The following GTF2I variants were observed in gnomAD, a reference collection of about 807,000 sequenced individuals.
GTF2I encodes the protein general transcription factor II-I.
In GTF2I, 12 loss-of-function variants were observed where a neutral mutation model predicts 67.6. The ratio of observed to expected loss-of-function variants is 0.18; its 90% CI spans 0.11 to 0.29. The LOEUF (loss-of-function observed/expected upper bound fraction) is 0.29. Among genes scored for constraint, GTF2I ranks in the 10% least tolerant of loss-of-function variants. GTF2I has a pLI of 1.00. For missense variants in GTF2I, 271 were observed against 580.1 expected (o/e 0.47, Z 5.47); for synonymous variants, 149 against 197.0 (o/e 0.76, Z 2.04).
At chr7:74,727,547 AC>A (rs1283105347) in intron 12 of GTF2I, 1 of 152,158 alleles carries the variant, frequency 6.6e-6, no homozygotes, top group Non-Finnish European at 1.5e-5. Flanking sequence ...TAACAATTAT[AC>A]CCATCTAAAA....
At chr7:74,711,949 C>CTTTTTT (rs587731254) in intron 9 of GTF2I, among the ~76,000 whole-genome samples, 3 of 134,140 alleles carry the variant, frequency 2.2e-5, no homozygotes, top group African/African-American at 5.5e-5. Context: ...TCATTTCTCT[C>CTTTTTT]TTTTTTTTTT....
At position 74,690,462 on chromosome 7, in the gene GTF2I, T is replaced by C. The variant is rs1232589168; in HGVS notation, c.100-511T>C. ...CCACCTAAAAGTGATTCTGGCTGTGTGTACACAGGGGAATACTTCTGGAGG... is the reference window on the plus strand; with the variant it reads ...CCACCTAAAAGTGATTCTGGCTGTGCGTACACAGGGGAATACTTCTGGAGG... On this transcript the variant is annotated intron_variant, in intron 2 of 34. Transcript: ENST00000573035. 2.0e-5 allele frequency among the ~76,000 whole-genome samples: 3 copies of C among 152,194 alleles called. No homozygotes were observed. In the East Asian group the frequency reaches 5.8e-4, roughly 29 times the overall value.
chr7:74,658,550 C>T (rs1312239322), intron 1 of GTF2I, among the ~76,000 whole-genome samples: 3 of 149,912 alleles, frequency 2.0e-5, no homozygotes, highest in East Asian at 2.0e-4. Flanking sequence ...GTCGTGGGGT[C>T]GCGCTCGCCT....
intron 1 of GTF2I, 137 bp from the exon 2 acceptor site, chr7:74,688,987 A>C: frequency 1.6e-6 from 1 of 625,762 alleles, no homozygotes; most frequent in Non-Finnish European, 2.9e-6. Flanking sequence ...TCAAATACTT[A>C]GTTTCTGAGC....
At chr7:74,713,543 G>C (rs1333256476) in intron 9 of GTF2I, among the ~76,000 whole-genome samples, 1 of 152,098 alleles carries the variant, frequency 6.6e-6, no homozygotes, top group Non-Finnish European at 1.5e-5. Context: ...AAAATTGACT[G>C]TATACTTGTT....
At chr7:74,731,840 C>T (rs1418158305) in intron 14 of GTF2I, among the ~76,000 whole-genome samples, 14 of 150,952 alleles carry the variant, frequency 9.3e-5, no homozygotes, top group South Asian at 4.2e-4. Flanking sequence ...CCGCTGCGCC[C>T]GGCCTCATGT....
At chr7:74,703,247 G>A (rs1359581631) in intron 6 of GTF2I, among the ~76,000 whole-genome samples, 4 of 151,690 alleles carry the variant, frequency 2.6e-5, no homozygotes, top group African/African-American at 9.7e-5. Context: ...TACAGGATTT[G>A]GGAATATTTT....
Position 74,698,947 on chromosome 7 carries a change from T to A in GTF2I, c.239-14T>A, listed in dbSNP as rs781973735. 4.1e-6 allele frequency: 5 copies of A among 1,229,168 alleles called. No individual in the cohort carries two copies. The highest frequency in any genetic ancestry group is 2.8e-5 in the East Asian group (1 of 35,172). 76.1% of individuals were successfully genotyped at this position (1,229,168 alleles called of 1,614,324 possible). A position where few individuals can be genotyped will look rare whatever the true frequency, so the allele number is the denominator to read the frequency against. On this transcript the variant is annotated splice_polypyrimidine_tract_variant and intron_variant, in intron 3 of 34. Coordinates refer to ENST00000573035, the MANE Select transcript of GTF2I (RefSeq NM_032999.4). ...ATTATTATTTTTTTATTTTATTTTT[T>A]ATTTTTTTTACAGGTGTTGAAGAAG...
At chr7:74,675,770 G>A (rs1054110003) in intron 1 of GTF2I, among the ~76,000 whole-genome samples, 2 of 152,246 alleles carry the variant, frequency 1.3e-5, no homozygotes, top group South Asian at 4.1e-4. Flanking sequence ...CAGCACTTGG[G>A]AGGCCGAGGT....
At chr7:74,714,801 C>G in intron 9 of GTF2I, 56 bp from the exon 10 acceptor site, 2 of 1,219,902 alleles carry the variant, frequency 1.6e-6, no homozygotes, top group East Asian at 5.0e-5. Context: ...CTAAAGTCAC[C>G]CCACATTTTT....
chr7:74,701,628 C>T (rs1427696319), intron 6 of GTF2I, among the ~76,000 whole-genome samples: 1 of 152,028 alleles, frequency 6.6e-6, no homozygotes, highest in Non-Finnish European at 1.5e-5. Flanking sequence ...CTGCCACGCC[C>T]GGCTAATTTT....
At chr7:74,716,719 G>A (rs1346554510) in intron 10 of GTF2I, 175 bp from the exon 11 acceptor site, 7 of 514,992 alleles carry the variant, frequency 1.4e-5, no homozygotes, top group East Asian at 2.9e-5. Flanking sequence ...AAATAGAAGC[G>A]TTGTATTCTT....
At chr7:74,723,876 C>T (rs1793433624) in intron 12 of GTF2I, among the ~76,000 whole-genome samples, 1 of 151,318 alleles carries the variant, frequency 6.6e-6, no homozygotes, top group Admixed American at 6.6e-5. Context: ...AAGAGAAGAC[C>T]TAGAGCAGTC....
chr7:74,684,202 A>C (rs1787496822), intron 1 of GTF2I, among the ~76,000 whole-genome samples: 3 of 152,236 alleles, frequency 2.0e-5, no homozygotes, highest in African/African-American at 7.2e-5. Flanking sequence ...TTATTATACA[A>C]GATGGCCAAT....
At chr7:74,723,428 C>CTTTTTTCTT (rs1793326478) in intron 12 of GTF2I, among the ~76,000 whole-genome samples, 1 of 61,090 alleles carries the variant, frequency 1.6e-5, no homozygotes, top group Non-Finnish European at 2.6e-5. Context: ...CTCCCGGCCT[C>CTTTTTTCTT]TTTTTTTTTT....
chr7:74,718,558 G>A (rs1293522168), intron 11 of GTF2I, among the ~76,000 whole-genome samples: 1 of 152,194 alleles, frequency 6.6e-6, no homozygotes, highest in Non-Finnish European at 1.5e-5. Context: ...TTCTATCCGA[G>A]CATCTTCTAG....
At chr7:74,710,937 A>G (rs1162139038) in intron 8 of GTF2I, 95 bp from the exon 9 acceptor site, 8 of 605,872 alleles carry the variant, frequency 1.3e-5, no homozygotes, top group Non-Finnish European at 1.8e-5. Context: ...ATAAATATGC[A>G]TTGCTGTATT....
intron 3 of GTF2I, among the ~76,000 whole-genome samples, chr7:74,697,744 C>G (rs1379255441): frequency 1.3e-5 from 2 of 152,004 alleles, no homozygotes; most frequent in Non-Finnish European, 2.9e-5. Flanking sequence ...TGAAAAGTTC[C>G]CTTTTAAATC....
At chr7:74,693,164 C>G (rs1788508200) in intron 3 of GTF2I, among the ~76,000 whole-genome samples, 1 of 151,754 alleles carries the variant, frequency 6.6e-6, no homozygotes, top group African/African-American at 2.4e-5. Flanking sequence ...GCCATTTTTC[C>G]TGCAGCATGT....
Sources: allele counts gnomAD v4.1 joint callset (sites outside exome capture counted in the v4.1 genomes callset), GRCh38; gene constraint gnomAD v4.1.1; transcripts MANE v1.5; gene names NCBI Gene and HGNC (gene_info 2026-07-23, HGNC 2026-07-21).